The following MYT1L variants were observed in gnomAD, a reference collection of about 807,000 sequenced individuals.
MYT1L encodes the protein myelin transcription factor 1 like.
A neutral mutation model predicts 126.7 loss-of-function variants in MYT1L; 12 were observed. The observed-to-expected ratio is 0.09, with a 90% CI of 0.06 to 0.15. The LOEUF (loss-of-function observed/expected upper bound fraction) is 0.15, where lower values mean the gene tolerates loss of function less well. Ranked by LOEUF, MYT1L falls within the 10% of genes least tolerant of loss-of-function variation. MYT1L has a pLI of 1.00. For missense variants in MYT1L, 979 were observed against 1,585.2 expected, an observed-to-expected ratio of 0.62 and a Z score of 6.49; for synonymous variants, 541 against 604.2, an observed-to-expected ratio of 0.90 and a Z score of 1.53.
chr2:2,161,793 A>C (rs2087976362), intron 3 of MYT1L, among the ~76,000 whole-genome samples: 1 of 152,182 alleles, frequency 6.6e-6, no homozygotes, highest in African/African-American at 2.4e-5. Context: ...ATTAATGTGC[A>C]TATGAATTTG....
chr2:2,110,649 G>T (rs2079318533), intron 3 of MYT1L, among the ~76,000 whole-genome samples: 1 of 142,436 alleles, frequency 7.0e-6, no homozygotes, highest in Non-Finnish European at 1.5e-5. Flanking sequence ...TCCTTCCTCT[G>T]CCACCCTGTC....
At chr2:2,186,211 C>T (rs1572264845) in intron 2 of MYT1L, among the ~76,000 whole-genome samples, 1 of 142,734 alleles carries the variant, frequency 7.0e-6, no homozygotes, top group Non-Finnish European at 1.5e-5. Flanking sequence ...CCGGGCCTTC[C>T]CGAGTCCCGC....
In MYT1L at chr2:1,917,560, T is replaced by C. The variant is rs1049895372; in HGVS notation, c.1484-221A>G. ...GAATCATAAAGTATTTTAATTTTTA[T>C]TCTAAAGAAAAGAAAAGCCTACCCC... On this transcript the variant is annotated intron_variant, in intron 10 of 24. Transcript: ENST00000647738. This position sits in a 1 kb window ranked among gnomAD's most constrained non-coding sequence, Gnocchi z 5.9. Among the ~76,000 whole-genome samples the C allele has an allele frequency of 9.2e-5, 14 of 152,228 alleles. No individual in the cohort carries two copies. Among genetic ancestry groups the C allele is most frequent in the African/African-American group, 2.2e-4 (9 of 41,456 alleles).
At chr2:2,205,873 T>C (rs1386202743) in intron 2 of MYT1L, among the ~76,000 whole-genome samples, 1 of 152,186 alleles carries the variant, frequency 6.6e-6, no homozygotes, top group Non-Finnish European at 1.5e-5. Context: ...CAACAATCTT[T>C]CCAGTATCAG....
intron 4 of MYT1L, among the ~76,000 whole-genome samples, chr2:2,014,800 G>A (rs139281038): frequency 6.6e-6 from 1 of 152,380 alleles, no homozygotes; most frequent in East Asian, 1.9e-4. Context: ...GGAGCAGGCA[G>A]GTTTCCGGGG....
intron 2 of MYT1L, among the ~76,000 whole-genome samples, chr2:2,199,145 A>G (rs889709005): frequency 6.6e-6 from 1 of 152,212 alleles, no homozygotes; most frequent in African/African-American, 2.4e-5. Flanking sequence ...TGGGAGAAGA[A>G]CATCACAATG....
intron 21 of MYT1L, chr2:1,826,960 A>T (rs2039445726): frequency 6.6e-6 from 1 of 152,198 alleles, no homozygotes; most frequent in African/African-American, 2.4e-5. Context: ...GAGCAGATGC[A>T]GGAGGAGGCG....
At chr2:2,085,507 CT>C (rs2076267181) in intron 3 of MYT1L, among the ~76,000 whole-genome samples, 1 of 152,128 alleles carries the variant, frequency 6.6e-6, no homozygotes, top group Admixed American at 6.5e-5. Context: ...GTTTCTCCTT[CT>C]TTGGATTCTT....
intron 9 of MYT1L, among the ~76,000 whole-genome samples, chr2:1,925,440 G>A (rs1253311254): frequency 1.3e-5 from 2 of 152,196 alleles, no homozygotes; most frequent in African/African-American, 4.8e-5. Flanking sequence ...CTCAGGATTA[G>A]CTTCAGTTTG....
At chr2:2,260,547 A>G (rs2094937193) in intron 2 of MYT1L, among the ~76,000 whole-genome samples, 1 of 152,202 alleles carries the variant, frequency 6.6e-6, no homozygotes, top group Non-Finnish European at 1.5e-5. Context: ...CACCTACTTC[A>G]GCCTAAGTCA....
intron 4 of MYT1L, among the ~76,000 whole-genome samples, chr2:2,008,687 G>A (rs771978164): frequency 2.0e-5 from 3 of 152,024 alleles, no homozygotes; most frequent in Admixed American, 1.3e-4. Flanking sequence ...ATGGTTTTGT[G>A]TAGTCCATTT....
chr2:1,936,653 G>C (rs1227484589), intron 9 of MYT1L, among the ~76,000 whole-genome samples: 1 of 152,064 alleles, frequency 6.6e-6, no homozygotes, highest in Non-Finnish European at 1.5e-5. Context: ...AAAACTGGTT[G>C]GCTAATTCTG....
At chr2:2,155,541 T>G (rs534370824) in intron 3 of MYT1L, among the ~76,000 whole-genome samples, 4 of 152,234 alleles carry the variant, frequency 2.6e-5, no homozygotes, top group Non-Finnish European at 5.9e-5. Flanking sequence ...GAAGTCAAAC[T>G]TGTTCAAACC....
chr2:2,003,660 C>T (rs570279285), intron 4 of MYT1L, among the ~76,000 whole-genome samples: 1 of 152,278 alleles, frequency 6.6e-6, no homozygotes, highest in East Asian at 1.9e-4. Flanking sequence ...GTCTTCAGTG[C>T]CACCCCATCA....
At chr2:2,216,568 A>C (rs1057041910) in intron 2 of MYT1L, among the ~76,000 whole-genome samples, 15 of 152,238 alleles carry the variant, frequency 9.9e-5, no homozygotes, top group Admixed American at 9.8e-4. Context: ...ATCAGAAAAG[A>C]ACAAGTATCA....
At chr2:2,053,857 T>C (rs941895148) in intron 4 of MYT1L, 121 bp downstream of exon 4, 1 of 152,648 alleles carries the variant, frequency 6.6e-6, no homozygotes, top group Non-Finnish European at 1.5e-5. Context: ...TCAAATAAAA[T>C]GCTGCTTCAT....
rs907006833 is a variant in MYT1L, at chr2:2,054,600, C to A, written c.-303-477G>T. ...GGAGATGAGACACATGGAGATGAGA[C>A]ACAAGAGATGATAAGACACATGGAG... On this transcript the variant is annotated intron_variant, in intron 3 of 24. Coordinates refer to ENST00000647738, the MANE Select transcript of MYT1L (RefSeq NM_001303052.2). Among the ~76,000 whole-genome samples, 49 of 151,684 alleles carry A rather than the reference C, an allele frequency of 3.2e-4. 1 individual carries two copies. The highest frequency in any genetic ancestry group is 2.9e-3 in the Admixed American group (44 of 15,264).
Position 2,074,002 on chromosome 2 carries a change from T to C in MYT1L, c.-303-19879A>G, listed in dbSNP as rs1354613175. On this transcript the variant is annotated intron_variant, in intron 3 of 24. Coordinates refer to ENST00000647738, the MANE Select transcript of MYT1L (RefSeq NM_001303052.2). ...AAGACTCTCGAGGCCCTGTATATGG[T>C]CATTTTATATTCTCCATGCAAGGCA... Among the ~76,000 whole-genome samples the C allele has an allele frequency of 5.9e-5, 9 of 152,334 alleles. No homozygotes were observed. The East Asian group carries it at 1.5e-3, about 26-fold the overall frequency.
intron 2 of MYT1L, among the ~76,000 whole-genome samples, chr2:2,239,731 T>G (rs1020079884): frequency 6.6e-6 from 1 of 152,168 alleles, no homozygotes; most frequent in Non-Finnish European, 1.5e-5. Context: ...CTCCAAACTA[T>G]AGCAAACCAA....
Sources: allele counts gnomAD v4.1 joint callset (sites outside exome capture counted in the v4.1 genomes callset), GRCh38; gene constraint gnomAD v4.1.1; non-coding constraint Gnocchi (gnomAD v3.1); transcripts MANE v1.5; gene names NCBI Gene and HGNC (gene_info 2026-07-23, HGNC 2026-07-21).